The following RIMBP2 variants were observed in gnomAD, a reference collection of about 807,000 sequenced individuals.
The protein encoded by RIMBP2 is RIMS binding protein 2, also known as RIMS-binding protein 2.
Under a neutral mutation model 118.6 loss-of-function variants are expected in RIMBP2, and 48 were observed. That is an observed-to-expected ratio of 0.40 (90% confidence interval 0.32 to 0.51). RIMBP2 has a LOEUF of 0.51. Among genes scored for constraint, RIMBP2 ranks in the 20% least tolerant of loss-of-function variants. The probability of loss-of-function intolerance (pLI) is 0.41; values close to 1 mark genes in which losing one functional copy is unlikely to be tolerated. For missense variants in RIMBP2, 1,551 were observed against 1,768.3 expected (o/e 0.88, Z 2.20); for synonymous variants, 762 against 742.9 (o/e 1.03, Z -0.42).
intron 1 of RIMBP2, chr12:130,658,207 A>G (rs1222504871): frequency 6.6e-6 from 1 of 152,278 alleles, no homozygotes; most frequent in Non-Finnish European, 1.5e-5. Context: ...CTGAGGAGGG[A>G]ACAGCACAAG....
intron 1 of RIMBP2, among the ~76,000 whole-genome samples, chr12:130,637,147 C>G (rs1048563309): frequency 5.3e-5 from 8 of 152,204 alleles, no homozygotes; most frequent in African/African-American, 1.7e-4. Context: ...AGATGTTCTG[C>G]GGAGCTGCAT....
intron 15 of RIMBP2, chr12:130,427,838 C>G (rs931805103): frequency 5.1e-6 from 1 of 194,564 alleles, no homozygotes; most frequent in Non-Finnish European, 1.0e-5. Context: ...GCTCTCTCGG[C>G]TGCCGATTCT....
chr12:130,405,487 T>C (rs2075078491), intron 21 of RIMBP2, among the ~76,000 whole-genome samples: 1 of 152,176 alleles, frequency 6.6e-6, no homozygotes, highest in Non-Finnish European at 1.5e-5. Flanking sequence ...GGGTCCTAAG[T>C]GGCCCTGTGG....
chr12:130,680,265 G>A (rs2064714309), intron 1 of RIMBP2, among the ~76,000 whole-genome samples: 1 of 152,228 alleles, frequency 6.6e-6, no homozygotes, highest in Non-Finnish European at 1.5e-5. Flanking sequence ...TTTTCCTACA[G>A]GGATTCTAAC....
At chr12:130,573,954 A>G (rs2057897716) in intron 2 of RIMBP2, among the ~76,000 whole-genome samples, 1 of 152,060 alleles carries the variant, frequency 6.6e-6, no homozygotes, top group South Asian at 2.1e-4. Context: ...GAAGAAGGGA[A>G]AGAGTTGCCA....
chr12:130,505,606 C>T (rs11060962), intron 4 of RIMBP2, among the ~76,000 whole-genome samples: 5,157 of 63,282 alleles, frequency 0.081, 795 homozygotes, highest in East Asian at 0.26. Flanking sequence ...CCCACTCCCT[C>T]CACTCCCCAC....
chr12:130,698,279 T>C (rs943302745), intron 1 of RIMBP2, among the ~76,000 whole-genome samples: 3 of 152,124 alleles, frequency 2.0e-5, no homozygotes, highest in Non-Finnish European at 4.4e-5. Context: ...AGAACCCGCC[T>C]CCATCTGACT....
intron 4 of RIMBP2, among the ~76,000 whole-genome samples, chr12:130,502,121 C>T (rs531870247): frequency 5.0e-4 from 76 of 152,266 alleles, no homozygotes; most frequent in Non-Finnish European, 6.8e-4. Context: ...GAGCAAGGAG[C>T]AAGGCAGTCA....
chr12:130,637,208 C>T (rs2062390632), intron 1 of RIMBP2, among the ~76,000 whole-genome samples: 1 of 152,230 alleles, frequency 6.6e-6, no homozygotes, highest in Non-Finnish European at 1.5e-5. Context: ...CACCTCTCAG[C>T]AGAGGCTAAA....
chr12:130,588,290 C>T (rs2059044632), intron 2 of RIMBP2, among the ~76,000 whole-genome samples: 1 of 152,176 alleles, frequency 6.6e-6, no homozygotes, highest in Admixed American at 6.5e-5. Flanking sequence ...TTCTTGGTGC[C>T]ATATCCACAT....
At chr12:130,438,335 A>ACCGGGGGGGGCCCCCCCCC in intron 12 of RIMBP2, 30 bp downstream of exon 12, 1 of 865,014 alleles carries the variant, frequency 1.2e-6, no homozygotes, top group Non-Finnish European at 1.9e-6. Flanking sequence ...GGCCTAACAA[A>ACCGGGGGGGGCCCCCCCCC]CCCTCCCCAC....
At chr12:130,582,835 G>A (rs954543777) in intron 2 of RIMBP2, among the ~76,000 whole-genome samples, 1 of 152,200 alleles carries the variant, frequency 6.6e-6, no homozygotes, top group Non-Finnish European at 1.5e-5. Context: ...CATTTGTCTA[G>A]TTCATTCATT....
At chr12:130,612,843 G>T (rs1247421482) in intron 2 of RIMBP2, among the ~76,000 whole-genome samples, 3 of 152,130 alleles carry the variant, frequency 2.0e-5, no homozygotes, top group Non-Finnish European at 4.4e-5. Context: ...GGCTGAGCTG[G>T]GATCTGTCAC....
At chr12:130,462,459 G>A (rs970352954) in intron 6 of RIMBP2, among the ~76,000 whole-genome samples, 3 of 152,204 alleles carry the variant, frequency 2.0e-5, no homozygotes, top group African/African-American at 7.2e-5. Flanking sequence ...GCTACTCGGC[G>A]TGACCATAAG....
chr12:130,423,376 G>T (rs965882588), intron 16 of RIMBP2, among the ~76,000 whole-genome samples: 1 of 152,324 alleles, frequency 6.6e-6, no homozygotes, highest in African/African-American at 2.4e-5. Flanking sequence ...TCCTGGGTGG[G>T]CCCATCGCAA....
Position 130,450,165 on chromosome 12 carries a change from C to A in RIMBP2, c.581+35G>T, listed in dbSNP as rs762237167. ...CCCAACATCTCATCTGCCCCACTCA[C>A]AGGGGCTCGGTGGACGCCGAGGGGC... On this transcript the variant is annotated intron_variant, in intron 9 of 22. Transcript: ENST00000690449. The surrounding 1 kb of genome is among the most constrained non-coding windows in gnomAD (Gnocchi z 4.8). 4 of 1,466,650 alleles carry A rather than the reference C, an allele frequency of 2.7e-6. No individual in the cohort carries two copies. The highest frequency in any genetic ancestry group is 9.4e-7 in the Non-Finnish European group (1 of 1,058,236). The allele number at this position is 1,466,650 out of a possible 1,614,324, so 90.9% of individuals were successfully genotyped here.
intron 4 of RIMBP2, among the ~76,000 whole-genome samples, chr12:130,481,840 C>A (rs1245649010): frequency 6.6e-6 from 1 of 152,146 alleles, no homozygotes; most frequent in African/African-American, 2.4e-5. Context: ...ACACACTGCT[C>A]CCCCCGCCCC....
chr12:130,573,159 A>G (rs1351546798), intron 2 of RIMBP2, among the ~76,000 whole-genome samples: 2 of 152,124 alleles, frequency 1.3e-5, no homozygotes, highest in Non-Finnish European at 2.9e-5. Context: ...TTCATCCCAA[A>G]AAAAGGTATA....
rs532734096 is a variant in RIMBP2 at position 130,534,260 on chromosome 12, G to C, written c.-216-16343C>G. 6.0e-3 allele frequency among the ~76,000 whole-genome samples: 857 copies of C among 142,248 alleles called. 13 individuals are homozygous for C. The highest frequency in any genetic ancestry group is 0.022 in the African/African-American group (815 of 37,802). 93.3% of individuals were successfully genotyped at this position (142,248 alleles called of 152,430 possible). A position where few individuals can be genotyped will look rare whatever the true frequency, so the allele number is the denominator to read the frequency against. ...GAGTGGGAGGTGGTGGGAGGGGAGT[G>C]GAAGGGGGTGGGAGGGGTGGATGAT... On this transcript the variant is annotated intron_variant, in intron 2 of 22. Transcript: ENST00000690449.
Sources: gnomAD v4.1 joint callset for allele counts (sites outside exome capture counted in the v4.1 genomes callset) on GRCh38, gnomAD v4.1.1 for gene constraint, Gnocchi (gnomAD v3.1) non-coding constraint, MANE v1.5 for transcripts, NCBI Gene and HGNC (gene_info 2026-07-23, HGNC 2026-07-21) for gene names.